Variants in TSC22D2 observed in about 807,000 individuals in gnomAD.
The protein encoded by TSC22D2 is TSC22 domain family protein 2.
In TSC22D2, 5 loss-of-function variants were observed where a neutral mutation model predicts 50.1. That is an observed-to-expected ratio of 0.10 (90% CI 0.05 to 0.21). The LOEUF (loss-of-function observed/expected upper bound fraction) is 0.21. TSC22D2 is among the 10% of genes least tolerant of loss of function. TSC22D2 has a pLI of 1.00. For synonymous variants in TSC22D2, 501 were observed against 450.1 expected (o/e 1.11, Z -1.43); for missense variants, 1,003 against 1,015.5 (o/e 0.99, Z 0.17).
Position 150,465,776 on chromosome 3 carries a change from C to G in TSC22D2, c.*7140C>G, listed in dbSNP as rs1211402559. 2 of 152,120 alleles carry G rather than the reference C, an allele frequency of 1.3e-5. No individual in the cohort carries two copies. Among genetic ancestry groups the G allele is most frequent in the Non-Finnish European group, 2.9e-5 (2 of 68,004 alleles). 9.4% of individuals were successfully genotyped at this position (152,120 alleles called of 1,614,324 possible). On this transcript the variant is annotated 3_prime_UTR_variant, in exon 3 of 3. Transcript: ENST00000688009. ...AGTATAATAAAAATCTCTCACTATC[C>G]CTCTCCATCCTGCCTGGGACAGGAA...
intron 2 of TSC22D2, 47 bp from the exon 3 acceptor site, chr3:150,458,329 C>G: frequency 1.3e-6 from 2 of 1,581,212 alleles, no homozygotes; most frequent in Non-Finnish European, 1.7e-6. Context: ...GATAGCACCA[C>G]CTTTATCTTT....
At chr3:150,453,818 T>C (rs906293976) in intron 1 of TSC22D2, among the ~76,000 whole-genome samples, 1 of 152,212 alleles carries the variant, frequency 6.6e-6, no homozygotes, top group Non-Finnish European at 1.5e-5. Flanking sequence ...TGAATTCACT[T>C]ATTCACAAAG....
At chr3:150,420,386 T>G (rs1232343812) in intron 1 of TSC22D2, among the ~76,000 whole-genome samples, 1 of 152,240 alleles carries the variant, frequency 6.6e-6, no homozygotes, top group African/African-American at 2.4e-5. Flanking sequence ...TTTTTACCCT[T>G]AAAATCTAGA....
At position 150,465,214 on chromosome 3, in the gene TSC22D2, T is replaced by C. The variant is rs1264484884; in HGVS notation, c.*6578T>C. The C allele has an allele frequency of 3.3e-5, 5 of 152,352 alleles. No individual in the cohort carries two copies. Among genetic ancestry groups the C allele is most frequent in the Admixed American group, 2.6e-4 (4 of 15,302 alleles). 9.4% of individuals were successfully genotyped at this position (152,352 alleles called of 1,614,324 possible). A position where few individuals can be genotyped will look rare whatever the true frequency, so the allele number is the denominator to read the frequency against. ...CTAGCTAGACTAGCAGTTAGTCTTC[T>C]ACTTTTTGGTTACTCCCTTTTAGAA... On this transcript the variant is annotated 3_prime_UTR_variant, in exon 3 of 3. Transcript: ENST00000688009.
intron 1 of TSC22D2, among the ~76,000 whole-genome samples, chr3:150,424,466 GAT>G: frequency 6.6e-6 from 1 of 152,146 alleles, no homozygotes; most frequent in Non-Finnish European, 1.5e-5. Context: ...TGATGTGAAT[GAT>G]ATATATTATT....
rs1352828644 is a variant in TSC22D2, at chr3:150,459,170, G to A, written c.*534G>A. On this transcript the variant is annotated 3_prime_UTR_variant, in exon 3 of 3. Coordinates refer to ENST00000688009, the MANE Select transcript of TSC22D2 (RefSeq NM_001303264.2). ...AATTATAAGTATCAGTAAAGGAAGT[G>A]AAAGACAGGATTGCATTTAATAGAT... 6.6e-6 allele frequency: 1 copy of A among 152,640 alleles called. No homozygotes were observed. The highest frequency in any genetic ancestry group is 1.5e-5 in the Non-Finnish European group (1 of 68,068). 9.5% of individuals were successfully genotyped at this position (152,640 alleles called of 1,614,324 possible).
At chr3:150,456,174 C>CT (rs1559852067) in intron 1 of TSC22D2, among the ~76,000 whole-genome samples, 1 of 123,560 alleles carries the variant, frequency 8.1e-6, no homozygotes, top group African/African-American at 3.1e-5. Context: ...AATGTTGTTT[C>CT]TTTTTGTTTT....
chr3:150,410,065 G>C lies in TSC22D2; in HGVS notation c.715G>C (p.Glu239Gln). 1 of 1,613,084 alleles carries C rather than the reference G, an allele frequency of 6.2e-7. No homozygotes were observed. Among genetic ancestry groups the C allele is most frequent in the East Asian group, 2.2e-5 (1 of 44,864 alleles). The change falls in exon 1 of 3, where the codon GAG (glutamate) becomes CAG (glutamine). Residue 239 changes from glutamate to glutamine, a missense_variant. Glu to Gln is a conservative substitution (Grantham distance 29). This residue lies in a region of TSC22D2 where 696 missense variants were observed against 647.8 expected (regional missense o/e 1.07). Coordinates refer to ENST00000688009, the MANE Select transcript of TSC22D2 (RefSeq NM_001303264.2). ...VASMQGAHGP[E>Q]SGTDSSLTAV... ...CTCCATGCAGGGGGCGCACGGGCCC[G>C]AGTCGGGAACTGACAGCTCCTTGAC...
intron 1 of TSC22D2, among the ~76,000 whole-genome samples, chr3:150,454,468 T>A (rs113797658): frequency 6.6e-6 from 1 of 152,222 alleles, no homozygotes; most frequent in Non-Finnish European, 1.5e-5. Context: ...CTCCTATAAC[T>A]TTCATTTGTA....
intron 1 of TSC22D2, among the ~76,000 whole-genome samples, chr3:150,431,756 A>T (rs1214510424): frequency 6.6e-6 from 1 of 152,162 alleles, no homozygotes; most frequent in Non-Finnish European, 1.5e-5. Flanking sequence ...TTTATTGCTC[A>T]GAGTTGGGTG....
chr3:150,413,744 G>A (rs1413265934), intron 1 of TSC22D2, among the ~76,000 whole-genome samples: 5 of 151,934 alleles, frequency 3.3e-5, no homozygotes, highest in South Asian at 2.1e-4. Flanking sequence ...TTGGGTTGCC[G>A]CCTTAAAATC....
chr3:150,426,394 G>A (rs746840907), intron 1 of TSC22D2, among the ~76,000 whole-genome samples: 3 of 152,174 alleles, frequency 2.0e-5, no homozygotes, highest in Non-Finnish European at 2.9e-5. Context: ...GGCAGAATTA[G>A]TTTAGAAACC....
intron 1 of TSC22D2, among the ~76,000 whole-genome samples, chr3:150,442,049 T>C (rs1209881676): frequency 6.6e-6 from 1 of 152,212 alleles, no homozygotes; most frequent in South Asian, 2.1e-4. Context: ...TCCTTTCTTA[T>C]GTGAAAATGC....
rs1327851425 is a variant in TSC22D2 at position 150,459,576 on chromosome 3, T to A, written c.*940T>A. The A allele has an allele frequency of 6.6e-6, 1 of 150,676 alleles. No homozygotes were observed. Among genetic ancestry groups the A allele is most frequent in the Admixed American group, 6.6e-5 (1 of 15,122 alleles). The allele number at this position is 150,676 out of a possible 1,614,324, so 9.3% of individuals were successfully genotyped here. A position where few individuals can be genotyped will look rare whatever the true frequency, so the allele number is the denominator to read the frequency against. ...GGAGTTTGGTTTTTTTTTGTTGTTT[T>A]TTTTTTTTTGTCTTTTTTTTTTTTT... On this transcript the variant is annotated 3_prime_UTR_variant, in exon 3 of 3. Transcript: ENST00000688009.
intron 1 of TSC22D2, among the ~76,000 whole-genome samples, chr3:150,414,488 C>G (rs1560079681): frequency 6.6e-6 from 1 of 152,138 alleles, no homozygotes; most frequent in African/African-American, 2.4e-5. Flanking sequence ...TCCAGGAACT[C>G]TTATGAATGG....
At chr3:150,423,027 A>G (rs1720065583) in intron 1 of TSC22D2, 3 of 1,603,062 alleles carry the variant, frequency 1.9e-6, no homozygotes, top group African/African-American at 1.3e-5. Flanking sequence ...CCTCATTTCC[A>G]TTTGATTCTC....
intron 1 of TSC22D2, among the ~76,000 whole-genome samples, chr3:150,434,156 T>G (rs1337113643): frequency 1.3e-5 from 2 of 151,522 alleles, no homozygotes; most frequent in Admixed American, 6.6e-5. Context: ...TTTTTTGTTT[T>G]TTTTTTTTTT....
At chr3:150,450,348 CTT>C (rs1349426558) in intron 1 of TSC22D2, among the ~76,000 whole-genome samples, 1 of 152,020 alleles carries the variant, frequency 6.6e-6, no homozygotes, top group Admixed American at 6.6e-5. Flanking sequence ...AAAAGTAACA[CTT>C]AAGTTTTGTA....
At chr3:150,422,187 T>C (rs1319456114) in intron 1 of TSC22D2, among the ~76,000 whole-genome samples, 1 of 152,250 alleles carries the variant, frequency 6.6e-6, no homozygotes, top group African/African-American at 2.4e-5. Context: ...AAAAGTTATG[T>C]GGCAAAGTTT....
Sources: gnomAD v4.1 joint callset for allele counts (sites outside exome capture counted in the v4.1 genomes callset) on GRCh38, gnomAD v4.1.1 for gene constraint, gnomAD v4.1.1 regional missense constraint, MANE v1.5 for transcripts, NCBI Gene and HGNC (gene_info 2026-07-23, HGNC 2026-07-21) for gene names.